RNGTT: variants seen among roughly 807,000 people sequenced by gnomAD.
RNGTT encodes mRNA-capping enzyme.
In RNGTT, 33 loss-of-function variants were observed where a neutral mutation model predicts 79.3. The ratio of observed to expected loss-of-function variants is 0.42; its 90% CI spans 0.32 to 0.56. The LOEUF (loss-of-function observed/expected upper bound fraction) is 0.56. Among genes scored for constraint, RNGTT ranks in the 20% least tolerant of loss-of-function variants. The pLI is 0.17. For synonymous variants in RNGTT, 222 were observed against 235.9 expected (o/e 0.94, Z 0.54); for missense variants, 497 against 739.1 (o/e 0.67, Z 3.80).
At chr6:88,865,490 A>T (rs1447606443) in intron 8 of RNGTT, among the ~76,000 whole-genome samples, 1 of 152,156 alleles carries the variant, frequency 6.6e-6, no homozygotes, top group Non-Finnish European at 1.5e-5. Context: ...AATGAATCAC[A>T]GGTAACTCTT....
chr6:88,762,166 C>T (rs1036740876), intron 13 of RNGTT, among the ~76,000 whole-genome samples: 7 of 152,088 alleles, frequency 4.6e-5, no homozygotes, highest in African/African-American at 7.2e-5. Context: ...CTAAGTGTGA[C>T]GGTATGTCCA....
intron 13 of RNGTT, among the ~76,000 whole-genome samples, chr6:88,712,382 T>G (rs1776348698): frequency 6.6e-6 from 1 of 152,210 alleles, no homozygotes; most frequent in South Asian, 2.1e-4. Flanking sequence ...CATAGCTCAC[T>G]GCAGCTTTGA....
intron 11 of RNGTT, among the ~76,000 whole-genome samples, chr6:88,833,527 A>G (rs936637299): frequency 6.6e-6 from 1 of 152,218 alleles, no homozygotes; most frequent in Admixed American, 6.5e-5. Context: ...TAACACATCT[A>G]TGTAACAAAC....
At chr6:88,837,534 T>G (rs1165040779) in intron 11 of RNGTT, among the ~76,000 whole-genome samples, 1 of 151,958 alleles carries the variant, frequency 6.6e-6, no homozygotes, top group African/African-American at 2.4e-5. Flanking sequence ...CATATCAAGA[T>G]TATTTATAAA....
chr6:88,841,813 T>C (rs1360918887), intron 11 of RNGTT, among the ~76,000 whole-genome samples: 2 of 152,190 alleles, frequency 1.3e-5, no homozygotes, highest in African/African-American at 4.8e-5. Flanking sequence ...TCACAAAAGG[T>C]GTAACATTCC....
chr6:88,876,500 G>A (rs1305553856), intron 8 of RNGTT, among the ~76,000 whole-genome samples: 16 of 152,216 alleles, frequency 1.1e-4, no homozygotes, highest in Admixed American at 6.5e-5. Flanking sequence ...AGGCAAAACA[G>A]TGAGACCCTG....
At chr6:88,928,860 TA>T (rs1784399035) in intron 4 of RNGTT, 124 bp downstream of exon 4, 1 of 628,132 alleles carries the variant, frequency 1.6e-6, no homozygotes, top group South Asian at 2.3e-5. Flanking sequence ...CTCATTTTAA[TA>T]AACACTACTT....
At chr6:88,663,037 C>G (rs1015317680) in intron 14 of RNGTT, among the ~76,000 whole-genome samples, 3 of 152,220 alleles carry the variant, frequency 2.0e-5, no homozygotes, top group African/African-American at 7.2e-5. Context: ...GATTTCGGCT[C>G]TGACTTGGCT....
chr6:88,712,923 C>G (rs1292065327), intron 13 of RNGTT, among the ~76,000 whole-genome samples: 1 of 152,164 alleles, frequency 6.6e-6, no homozygotes, highest in Admixed American at 6.5e-5. Context: ...CTCTCAAAGA[C>G]AATCCTGCAA....
At chr6:88,756,366 G>A (rs1457774962) in intron 13 of RNGTT, among the ~76,000 whole-genome samples, 1 of 151,966 alleles carries the variant, frequency 6.6e-6, no homozygotes, top group South Asian at 2.1e-4. Flanking sequence ...CCAGCTACTC[G>A]GGAGACTGAG....
At chr6:88,799,046 T>C (rs1163073547) in intron 12 of RNGTT, among the ~76,000 whole-genome samples, 2 of 151,518 alleles carry the variant, frequency 1.3e-5, no homozygotes, top group Non-Finnish European at 2.9e-5. Context: ...GTACTAGAAG[T>C]AGCAATAAAA....
intron 13 of RNGTT, among the ~76,000 whole-genome samples, chr6:88,738,623 G>T (rs1375867221): frequency 6.6e-6 from 1 of 152,116 alleles, no homozygotes; most frequent in Non-Finnish European, 1.5e-5. Flanking sequence ...TCCAGCCTGG[G>T]TGACAGAGTG....
rs373954194 is a variant in RNGTT at position 88,663,145 on chromosome 6, C to G, written c.1506+15208G>C. 9.2e-5 allele frequency among the ~76,000 whole-genome samples: 14 copies of G among 152,186 alleles called. No homozygotes were observed. The East Asian group carries it at 2.7e-3, about 29-fold the overall frequency. On this transcript the variant is annotated intron_variant, in intron 14 of 15. Coordinates refer to ENST00000369485, the MANE Select transcript of RNGTT (RefSeq NM_003800.5). Reference sequence around the variant, plus strand: ...ACCTTTTGCCCCTTTTTCCCTTCCCCCTTTGTGGTAAGAGTGTTGTTTTGT... The same window carrying G: ...ACCTTTTGCCCCTTTTTCCCTTCCCGCTTTGTGGTAAGAGTGTTGTTTTGT...
chr6:88,704,988 A>T (rs1444229958), intron 13 of RNGTT, among the ~76,000 whole-genome samples: 3 of 152,188 alleles, frequency 2.0e-5, no homozygotes, highest in African/African-American at 7.2e-5. Context: ...CTAAAAAAAA[A>T]AACTGGTAAA....
chr6:88,861,916 TAC>T (rs566440740), intron 8 of RNGTT, among the ~76,000 whole-genome samples: 32 of 152,170 alleles, frequency 2.1e-4, no homozygotes, highest in Non-Finnish European at 4.1e-4. Context: ...ATAGTATATA[TAC>T]ATAATAAGTA....
At chr6:88,864,842 C>A (rs1212458703) in intron 8 of RNGTT, among the ~76,000 whole-genome samples, 1 of 152,084 alleles carries the variant, frequency 6.6e-6, no homozygotes, top group Non-Finnish European at 1.5e-5. Flanking sequence ...CCAGTCACAA[C>A]TGGACAAACA....
chr6:88,765,572 T>C (rs7743140), intron 13 of RNGTT, among the ~76,000 whole-genome samples: 21,074 of 152,142 alleles, frequency 0.14, 1,597 homozygotes, highest in Middle Eastern at 0.24. Flanking sequence ...AAATATTGAG[T>C]ATACATAAAT....
intron 11 of RNGTT, among the ~76,000 whole-genome samples, chr6:88,824,220 C>A (rs1282281071): frequency 6.6e-6 from 1 of 152,170 alleles, no homozygotes; most frequent in East Asian, 1.9e-4. Context: ...TTACACAAAC[C>A]TAGATGGTCC....
At chr6:88,750,669 C>T in intron 13 of RNGTT, among the ~76,000 whole-genome samples, 1 of 152,132 alleles carries the variant, frequency 6.6e-6, no homozygotes, top group East Asian at 1.9e-4. Context: ...TTATTTACTT[C>T]CATTAACTCT....
Sources: gnomAD v4.1 joint callset for allele counts (sites outside exome capture counted in the v4.1 genomes callset) on GRCh38, gnomAD v4.1.1 for gene constraint, MANE v1.5 for transcripts, NCBI Gene and HGNC (gene_info 2026-07-23, HGNC 2026-07-21) for gene names.